The following CSMD3 variants were observed in gnomAD, a reference collection of about 807,000 sequenced individuals.
CSMD3 encodes CUB and Sushi multiple domains 3.
In CSMD3, 177 loss-of-function variants were observed where a neutral mutation model predicts 435.2. The observed-to-expected ratio is 0.41, with a 90% CI of 0.36 to 0.46. The LOEUF is 0.46. CSMD3 is among the 20% of genes least tolerant of loss of function. The pLI is 0.34. For synonymous variants in CSMD3, 1,656 were observed against 1,520.5 expected (o/e 1.09, Z -2.07); for missense variants, 4,265 against 4,504.6 (o/e 0.95, Z 1.52).
At chr8:112,288,348 T>A (rs1424535251) in intron 57 of CSMD3, among the ~76,000 whole-genome samples, 1 of 152,016 alleles carries the variant, frequency 6.6e-6, no homozygotes, top group Non-Finnish European at 1.5e-5. Context: ...CACTCCAAGA[T>A]AAGACTTTAA....
At chr8:112,832,034 T>C (rs1220836504) in intron 11 of CSMD3, among the ~76,000 whole-genome samples, 1 of 152,184 alleles carries the variant, frequency 6.6e-6, no homozygotes, top group East Asian at 1.9e-4. Flanking sequence ...TAAGAAAAGT[T>C]ATTAATTTTA....
Position 112,392,328 on chromosome 8 carries a change from A to AT in CSMD3, c.5810-1541_5810-1540insA, listed in dbSNP as rs1380031939. On this transcript the variant is annotated intron_variant, in intron 35 of 70. Transcript: ENST00000297405. The stretch of plus-strand genomic sequence containing the variant: ...GGGCAATTACTCAAAAAAAAAAAAA[A>AT]AAAAAAAGATGTTGCAAACTTTTTA... Among the ~76,000 whole-genome samples the AT allele has an allele frequency of 9.2e-4, 140 of 151,740 alleles. 1 individual carries two copies. The highest frequency in any genetic ancestry group is 3.4e-3 in the African/African-American group (139 of 41,490).
At chr8:112,886,766 T>C (rs571128886) in intron 10 of CSMD3, among the ~76,000 whole-genome samples, 57 of 151,668 alleles carry the variant, frequency 3.8e-4, no homozygotes, top group African/African-American at 1.4e-3. Flanking sequence ...TAAAATGTGG[T>C]AGTATTTACA....
At chr8:113,347,361 T>C (rs2094159127) in intron 1 of CSMD3, among the ~76,000 whole-genome samples, 1 of 152,112 alleles carries the variant, frequency 6.6e-6, no homozygotes, top group Non-Finnish European at 1.5e-5. Context: ...CCTCCCTGGC[T>C]CTTCCTTTAG....
chr8:113,349,259 C>T (rs968885692), intron 1 of CSMD3, among the ~76,000 whole-genome samples: 8 of 152,150 alleles, frequency 5.3e-5, no homozygotes, highest in African/African-American at 1.7e-4. Context: ...TAAACCACCC[C>T]TTTTAATGTT....
At chr8:112,992,257 C>T (rs1268074228) in intron 6 of CSMD3, among the ~76,000 whole-genome samples, 1 of 151,464 alleles carries the variant, frequency 6.6e-6, no homozygotes, top group Admixed American at 6.6e-5. Context: ...CTCCCTCTAT[C>T]TTTTTTTCTT....
At chr8:112,956,359 C>T (rs775435539) in intron 7 of CSMD3, among the ~76,000 whole-genome samples, 2 of 152,062 alleles carry the variant, frequency 1.3e-5, no homozygotes, top group African/African-American at 2.4e-5. Flanking sequence ...AAGTGTTCAA[C>T]TGCTCTAAGT....
Position 112,313,909 on chromosome 8 carries a change from T to G in CSMD3, c.7693A>C (p.Ile2565Leu). 2 of 1,609,464 alleles carry G rather than the reference T, an allele frequency of 1.2e-6. No individual in the cohort carries two copies. The highest frequency in any genetic ancestry group is 1.7e-6 in the Non-Finnish European group (2 of 1,176,184). ...NNKKGFRIRYIAFYCSTPESP... is the reference protein window; with the variant it reads ...NNKKGFRIRYLAFYCSTPESP... The stretch of plus-strand genomic sequence containing the variant: ...TGAAGTTATAAGTTTTACATACCTA[T>G]ATATCTTATCCGGAAGCCTTTTTTG... Residue 2565 changes from isoleucine to leucine, a missense_variant, in exon 49 of 71, where the codon ATA (isoleucine) becomes CTA (leucine). Physicochemically the swap from Ile to Leu is conservative, Grantham distance 5. This residue lies in a region of CSMD3 where 3,255 missense variants were observed against 3,380.2 expected (regional missense o/e 0.96). Coordinates refer to ENST00000297405, the MANE Select transcript of CSMD3 (RefSeq NM_198123.2).
rs184635743 is a variant in CSMD3, at chr8:112,586,441, T to C, written c.3885+625A>G. On this transcript the variant is annotated intron_variant, in intron 23 of 70. Coordinates refer to ENST00000297405, the MANE Select transcript of CSMD3 (RefSeq NM_198123.2). ...AAATCAGCAACTATGAAAATATTTA[T>C]TTGCCAAAATGTTATCTTTTTAGAA... Among the ~76,000 whole-genome samples, 808 of 151,642 alleles carry C rather than the reference T, an allele frequency of 5.3e-3. 5 individuals are homozygous for C. The highest frequency in any genetic ancestry group is 8.2e-3 in the Non-Finnish European group (555 of 67,588).
At chr8:113,040,728 G>A (rs922013846) in intron 5 of CSMD3, among the ~76,000 whole-genome samples, 5 of 152,144 alleles carry the variant, frequency 3.3e-5, no homozygotes, top group African/African-American at 1.2e-4. Flanking sequence ...ACAGTGCTTA[G>A]AAGTCCAAGT....
chr8:112,502,065 G>A (rs1034082068), intron 30 of CSMD3, among the ~76,000 whole-genome samples: 2 of 152,150 alleles, frequency 1.3e-5, no homozygotes, highest in Admixed American at 6.5e-5. Context: ...CATGAAAAGA[G>A]CAGGAATATC....
chr8:112,649,968 G>C (rs887050741), intron 19 of CSMD3, among the ~76,000 whole-genome samples, 193 bp downstream of exon 19: 1 of 152,060 alleles, frequency 6.6e-6, no homozygotes, highest in African/African-American at 2.4e-5. Context: ...AGTATCTTTA[G>C]GCATGGAGTA....
intron 3 of CSMD3, among the ~76,000 whole-genome samples, chr8:113,253,432 A>G (rs564390191): frequency 1.6e-4 from 25 of 151,856 alleles, no homozygotes; most frequent in African/African-American, 5.8e-4. Flanking sequence ...CCTGTGTCCA[A>G]ATGTTCTCAT....
At chr8:112,351,427 A>C (rs182266256) in intron 39 of CSMD3, among the ~76,000 whole-genome samples, 183 bp from the exon 40 acceptor site, 2 of 152,206 alleles carry the variant, frequency 1.3e-5, no homozygotes, top group East Asian at 3.9e-4. Context: ...CACCTATGAT[A>C]AAATGTAAGA....
At chr8:113,417,087 G>C (rs1030444869) in intron 1 of CSMD3, among the ~76,000 whole-genome samples, 1 of 151,984 alleles carries the variant, frequency 6.6e-6, no homozygotes, top group Admixed American at 6.6e-5. Flanking sequence ...TATTAGTGAA[G>C]AAACTTTAGA....
At chr8:112,622,326 C>G (rs562501742) in intron 22 of CSMD3, among the ~76,000 whole-genome samples, 71 of 152,094 alleles carry the variant, frequency 4.7e-4, no homozygotes, top group Non-Finnish European at 9.1e-4. Context: ...ACAGGTTTCC[C>G]TAGCTTCAGT....
At chr8:113,279,702 C>T (rs1485735316) in intron 2 of CSMD3, among the ~76,000 whole-genome samples, 1 of 151,556 alleles carries the variant, frequency 6.6e-6, no homozygotes, top group Non-Finnish European at 1.5e-5. Context: ...CATATAATAG[C>T]TGTATCATTA....
In CSMD3 at chr8:112,990,837, C is replaced by T. The variant is rs192918657; in HGVS notation, c.1031-14689G>A. On this transcript the variant is annotated intron_variant, in intron 6 of 70. Coordinates refer to ENST00000297405, the MANE Select transcript of CSMD3 (RefSeq NM_198123.2). ...AATGCCAGCAGACACAGTCCTCCAACTCCACTCACTGTAGTTACCACTACA... is the reference window on the plus strand; with the variant it reads ...AATGCCAGCAGACACAGTCCTCCAATTCCACTCACTGTAGTTACCACTACA... 1.7e-3 allele frequency among the ~76,000 whole-genome samples: 263 copies of T among 152,030 alleles called. 1 individual carries two copies. The highest frequency in any genetic ancestry group is 6.0e-3 in the African/African-American group (250 of 41,534).
chr8:112,898,289 C>T (rs1243498651), intron 10 of CSMD3, among the ~76,000 whole-genome samples: 1 of 151,084 alleles, frequency 6.6e-6, no homozygotes, highest in Non-Finnish European at 1.5e-5. Context: ...AGTTTCTCTA[C>T]CAGTAATATA....
Sources: gnomAD v4.1 joint callset for allele counts (sites outside exome capture counted in the v4.1 genomes callset) on GRCh38, gnomAD v4.1.1 for gene constraint, gnomAD v4.1.1 regional missense constraint, MANE v1.5 for transcripts, NCBI Gene and HGNC (gene_info 2026-07-23, HGNC 2026-07-21) for gene names.